RASA1: variants seen among roughly 807,000 people sequenced by gnomAD.
RASA1 encodes the protein RAS p21 protein activator 1.
RASA1 carries 25 observed loss-of-function variants against 132.2 expected under a neutral mutation model. The ratio of observed to expected loss-of-function variants is 0.19; its 90% CI spans 0.14 to 0.26. The LOEUF (loss-of-function observed/expected upper bound fraction) is 0.26, where lower values mean the gene tolerates loss of function less well. RASA1 is among the 10% of genes least tolerant of loss of function. The pLI is 1.00. For synonymous variants in RASA1, 477 were observed against 449.9 expected (o/e 1.06, Z -0.76); for missense variants, 964 against 1,299.2 (o/e 0.74, Z 3.97).
chr5:87,286,104 C>T, intron 1 of RASA1, among the ~76,000 whole-genome samples: 1 of 151,860 alleles, frequency 6.6e-6, no homozygotes, highest in Non-Finnish European at 1.5e-5. Context: ...CCGCTTCAAG[C>T]AATTCTCATG....
intron 22 of RASA1, among the ~76,000 whole-genome samples, chr5:87,385,665 T>C (rs1762014264): frequency 6.6e-6 from 1 of 152,066 alleles, no homozygotes; most frequent in African/African-American, 2.4e-5. Flanking sequence ...ATGAGTACAT[T>C]TTAATACAAA....
rs1379961363 is a variant in RASA1 at position 87,389,388 on chromosome 5, T to A, written c.2926-5T>A. 6.2e-7 allele frequency: 1 copy of A among 1,614,022 alleles called. No individual in the cohort carries two copies. Among genetic ancestry groups the A allele is most frequent in the Non-Finnish European group, 8.5e-7 (1 of 1,179,910 alleles). ...TCTAAATGCAATTTTACGATTCCCT[T>A]AAAGAATGTACCTGAACTTCCGGAC... On this transcript the variant is annotated splice_polypyrimidine_tract_variant and splice_region_variant and intron_variant, in intron 23 of 24. Coordinates refer to ENST00000274376, the MANE Select transcript of RASA1 (RefSeq NM_002890.3).
At chr5:87,276,528 G>T (rs1049959187) in intron 1 of RASA1, among the ~76,000 whole-genome samples, 4 of 152,092 alleles carry the variant, frequency 2.6e-5, no homozygotes, top group Admixed American at 6.5e-5. Context: ...GGGACAAAAA[G>T]AAATATACAA....
intron 1 of RASA1, among the ~76,000 whole-genome samples, chr5:87,280,262 A>G (rs888059384): frequency 8.5e-5 from 13 of 152,200 alleles, no homozygotes; most frequent in African/African-American, 3.1e-4. Flanking sequence ...AGTCCAGTCA[A>G]GCTGACACCT....
intron 15 of RASA1, among the ~76,000 whole-genome samples, chr5:87,375,407 C>T (rs1383151959): frequency 3.3e-5 from 5 of 152,028 alleles, no homozygotes; most frequent in African/African-American, 1.2e-4. Flanking sequence ...ACTACAGGCG[C>T]CCGCCACCAT....
chr5:87,390,743 T>A (rs1010489348), intron 24 of RASA1, 57 bp from the exon 25 acceptor site: 2 of 1,432,334 alleles, frequency 1.4e-6, no homozygotes, highest in Admixed American at 1.7e-5. Flanking sequence ...CAGGTTCCCA[T>A]CCTGAAATTG....
rs768298378 is a variant in RASA1 at position 87,378,570 on chromosome 5, G to A, written c.2487+32G>A. ...ATTTAATGTTTTAATAAGTATTTTT[G>A]CAAAGAACATATTTTAATAGGTAAT... On this transcript the variant is annotated intron_variant, in intron 18 of 24. Coordinates refer to ENST00000274376, the MANE Select transcript of RASA1 (RefSeq NM_002890.3). 14 of 1,564,878 alleles carry A rather than the reference G, an allele frequency of 8.9e-6. No homozygotes were observed. The African/African-American group carries it at 1.6e-4, about 18-fold the overall frequency.
chr5:87,385,735 A>AT (rs1468979789), intron 22 of RASA1, among the ~76,000 whole-genome samples: 3 of 151,992 alleles, frequency 2.0e-5, no homozygotes, highest in Non-Finnish European at 4.4e-5. Context: ...TCAAGATTTT[A>AT]TTTTTTTAAA....
At chr5:87,313,853 G>A (rs1756109967) in intron 1 of RASA1, among the ~76,000 whole-genome samples, 1 of 152,150 alleles carries the variant, frequency 6.6e-6, no homozygotes, top group Admixed American at 6.5e-5. Flanking sequence ...TAAAGGAGTA[G>A]TGTGATCAAA....
chr5:87,382,952 G>T (rs1267020622), intron 20 of RASA1, among the ~76,000 whole-genome samples: 1 of 151,704 alleles, frequency 6.6e-6, no homozygotes, highest in South Asian at 2.1e-4. Flanking sequence ...AAATTGCCAG[G>T]TATGGTGATG....
chr5:87,353,048 G>T, intron 8 of RASA1, 109 bp from the exon 9 acceptor site: 1 of 774,196 alleles, frequency 1.3e-6, no homozygotes, highest in Non-Finnish European at 2.2e-6. Flanking sequence ...TATGTGCTTT[G>T]AAAAAAATTT....
intron 1 of RASA1, among the ~76,000 whole-genome samples, chr5:87,293,650 T>C (rs1754998645): frequency 6.6e-6 from 1 of 152,190 alleles, no homozygotes; most frequent in Non-Finnish European, 1.5e-5. Context: ...AGAGAATTGG[T>C]ATTCTTTTCT....
Position 87,383,696 on chromosome 5 carries a change from A to AT in RASA1, c.2691-14dup. 4 of 1,517,562 alleles carry AT rather than the reference A, an allele frequency of 2.6e-6. No homozygotes were observed. The highest frequency in any genetic ancestry group is 3.6e-6 in the Non-Finnish European group (4 of 1,112,720). The allele number at this position is 1,517,562 out of a possible 1,614,324, so 94.0% of individuals were successfully genotyped here. A position where few individuals can be genotyped will look rare whatever the true frequency, so the allele number is the denominator to read the frequency against. ...TGTTTTCTAAAAAAAAAAAAAAAAA[A>AT]TTTCCCTCCCATTCAGTGGTTTTGT... On this transcript the variant is annotated splice_polypyrimidine_tract_variant and intron_variant, in intron 20 of 24. Transcript: ENST00000274376.
intron 1 of RASA1, among the ~76,000 whole-genome samples, chr5:87,295,515 A>AT (rs1755081234): frequency 6.7e-6 from 1 of 148,880 alleles, no homozygotes; most frequent in Non-Finnish European, 1.5e-5. Context: ...ATTTTATTTT[A>AT]TTTATTTATT....
At chr5:87,273,700 C>CTTTTTTTTTTTT (rs539277152) in intron 1 of RASA1, among the ~76,000 whole-genome samples, 2 of 138,384 alleles carry the variant, frequency 1.4e-5, no homozygotes, top group African/African-American at 2.6e-5. Context: ...TTTTCTTTTT[C>CTTTTTTTTTTTT]TTTTTTTTTT....
rs1200398365 is a variant in RASA1, at chr5:87,359,361, G to A, written c.1333-3190G>A. On this transcript the variant is annotated intron_variant, in intron 9 of 24. Coordinates refer to ENST00000274376, the MANE Select transcript of RASA1 (RefSeq NM_002890.3). ...GAACTATCTCTCAGGCTGAGAAAAG[G>A]AACACGTAGAGAAGCCTTTCTCCTC... is the stretch of plus-strand genomic sequence containing the variant. Among the ~76,000 whole-genome samples, 3 of 152,146 alleles carry A rather than the reference G, an allele frequency of 2.0e-5. No individual in the cohort carries two copies. The East Asian group carries it at 5.8e-4, about 29-fold the overall frequency.
At chr5:87,369,695 ATTTC>A (rs1472319461) in intron 11 of RASA1, 114 bp from the exon 12 acceptor site, 25 of 740,460 alleles carry the variant, frequency 3.4e-5, no homozygotes, top group South Asian at 1.7e-4. Flanking sequence ...ATGGAGTATT[ATTTC>A]TTTAAGAATT....
chr5:87,327,067 C>T (rs1757284699), intron 1 of RASA1, among the ~76,000 whole-genome samples: 1 of 152,118 alleles, frequency 6.6e-6, no homozygotes, highest in Non-Finnish European at 1.5e-5. Context: ...CCCTGTGATA[C>T]TGGTTTGATA....
intron 1 of RASA1, among the ~76,000 whole-genome samples, chr5:87,328,923 G>T (rs993532300): frequency 5.3e-5 from 8 of 152,074 alleles, no homozygotes; most frequent in South Asian, 4.2e-4. Flanking sequence ...AAACATTTAA[G>T]GATCAAATCA....
Sources: allele counts gnomAD v4.1 joint callset (sites outside exome capture counted in the v4.1 genomes callset), GRCh38; gene constraint gnomAD v4.1.1; transcripts MANE v1.5; gene names NCBI Gene and HGNC (gene_info 2026-07-23, HGNC 2026-07-21).